CSMD1: variants seen among roughly 807,000 people sequenced by gnomAD.
The protein encoded by CSMD1 is CUB and sushi domain-containing protein 1.
Under a neutral mutation model 417.5 loss-of-function variants are expected in CSMD1, and 213 were observed. The observed-to-expected ratio is 0.51, with a 90% CI of 0.46 to 0.57. The LOEUF (loss-of-function observed/expected upper bound fraction) is 0.57, where lower values mean the gene tolerates loss of function less well. Ranked by LOEUF, CSMD1 falls within the 20% of genes least tolerant of loss-of-function variation. The pLI is 0.00. For missense variants in CSMD1, 6,923 were observed against 4,529.7 expected (o/e 1.53, Z -15.17); for synonymous variants, 2,862 against 1,736.8 (o/e 1.65, Z -16.11).
intron 2 of CSMD1, among the ~76,000 whole-genome samples, chr8:4,506,587 A>G (rs11780150): frequency 3.3e-5 from 5 of 152,144 alleles, no homozygotes; most frequent in Non-Finnish European, 7.4e-5. Context: ...GGAAGTCACT[A>G]CCATTCTAAA....
At chr8:3,968,390 G>A (rs572973128) in intron 5 of CSMD1, among the ~76,000 whole-genome samples, 20 of 152,226 alleles carry the variant, frequency 1.3e-4, no homozygotes, top group African/African-American at 4.6e-4. Flanking sequence ...TGTGGTCACT[G>A]AGCACGGCTC....
intron 5 of CSMD1, among the ~76,000 whole-genome samples, chr8:3,827,842 C>G (rs1276533636): frequency 6.6e-6 from 1 of 152,182 alleles, no homozygotes; most frequent in East Asian, 1.9e-4. Flanking sequence ...TAATAACTCA[C>G]AGTGCATGTC....
intron 3 of CSMD1, among the ~76,000 whole-genome samples, chr8:4,323,373 G>A (rs1173775837): frequency 1.3e-5 from 2 of 152,102 alleles, no homozygotes; most frequent in African/African-American, 4.8e-5. Flanking sequence ...GTTCTTTCCT[G>A]TACAGCATGG....
At chr8:4,212,124 G>C (rs1473631545) in intron 3 of CSMD1, among the ~76,000 whole-genome samples, 1 of 151,318 alleles carries the variant, frequency 6.6e-6, no homozygotes, top group Non-Finnish European at 1.5e-5. Flanking sequence ...GACCATGTAG[G>C]AGAAGAAGTG....
intron 2 of CSMD1, among the ~76,000 whole-genome samples, chr8:4,436,271 C>A (rs1253459235): frequency 2.0e-5 from 3 of 152,002 alleles, no homozygotes; most frequent in Non-Finnish European, 4.4e-5. Flanking sequence ...ATTTTAATAC[C>A]CACCTTGTAT....
intron 1 of CSMD1, among the ~76,000 whole-genome samples, chr8:4,979,080 C>G (rs1386909894): frequency 6.6e-6 from 1 of 152,212 alleles, no homozygotes; most frequent in Non-Finnish European, 1.5e-5. Flanking sequence ...TCCAGGCCTT[C>G]CTGGTGTTAA....
chr8:4,460,900 A>G (rs1443542853), intron 2 of CSMD1, among the ~76,000 whole-genome samples: 1 of 152,186 alleles, frequency 6.6e-6, no homozygotes, highest in Non-Finnish European at 1.5e-5. Context: ...TAGAAGAGGG[A>G]TCACATTCCA....
chr8:4,448,841 C>A (rs1318990340), intron 2 of CSMD1, among the ~76,000 whole-genome samples: 1 of 151,648 alleles, frequency 6.6e-6, no homozygotes, highest in African/African-American at 2.4e-5. Context: ...GGTAATTTCT[C>A]TATCTTCTTT....
chr8:3,305,479 G>T (rs977559131), intron 25 of CSMD1, among the ~76,000 whole-genome samples: 1 of 150,986 alleles, frequency 6.6e-6, no homozygotes, highest in Non-Finnish European at 1.5e-5. Flanking sequence ...GATTAATGCT[G>T]TTATCATGGG....
At chr8:3,048,018 G>A (rs1037411910) in intron 50 of CSMD1, among the ~76,000 whole-genome samples, 17 of 152,170 alleles carry the variant, frequency 1.1e-4, no homozygotes, top group Non-Finnish European at 1.6e-4. Flanking sequence ...GCACATGTGC[G>A]AGAAATCCTT....
intron 6 of CSMD1, among the ~76,000 whole-genome samples, chr8:3,713,967 T>C (rs1479637258): frequency 2.6e-5 from 4 of 152,004 alleles, no homozygotes; most frequent in Non-Finnish European, 5.9e-5. Flanking sequence ...TTTACTACTA[T>C]TGGTAGCAAT....
chr8:4,907,222 A>C (rs931063053), intron 1 of CSMD1, among the ~76,000 whole-genome samples: 8 of 152,172 alleles, frequency 5.3e-5, no homozygotes, highest in Non-Finnish European at 1.2e-4. Flanking sequence ...AAATCTTCCT[A>C]GTGAAAAGCT....
At chr8:3,347,967 T>C in intron 22 of CSMD1, 25 bp downstream of exon 22, 2 of 1,520,186 alleles carry the variant, frequency 1.3e-6, no homozygotes, top group African/African-American at 2.8e-5. Context: ...CTTGGAGTCA[T>C]CATGTTGGAG....
chr8:3,817,109 A>G (rs1270066955), intron 5 of CSMD1, among the ~76,000 whole-genome samples: 1 of 151,958 alleles, frequency 6.6e-6, no homozygotes, highest in Non-Finnish European at 1.5e-5. Flanking sequence ...AGAAATGAAG[A>G]TCTTATAGAG....
At chr8:3,426,436 G>A (rs1360850864) in intron 12 of CSMD1, among the ~76,000 whole-genome samples, 2 of 152,044 alleles carry the variant, frequency 1.3e-5, no homozygotes, top group Non-Finnish European at 2.9e-5. Flanking sequence ...TAAAAAATAG[G>A]AACATCACTT....
intron 25 of CSMD1, among the ~76,000 whole-genome samples, chr8:3,297,970 C>A (rs1015191566): frequency 6.6e-6 from 1 of 152,006 alleles, no homozygotes; most frequent in Admixed American, 6.6e-5. Flanking sequence ...AGAGGATATT[C>A]AAAAGGCCAA....
chr8:3,028,134 G>C (rs1309347046), intron 51 of CSMD1, among the ~76,000 whole-genome samples: 2 of 152,180 alleles, frequency 1.3e-5, no homozygotes, highest in Admixed American at 6.5e-5. Context: ...ACCCCACCTG[G>C]AAGAAATTAA....
intron 25 of CSMD1, among the ~76,000 whole-genome samples, chr8:3,293,631 C>G (rs1329707431): frequency 3.3e-5 from 5 of 152,152 alleles, no homozygotes; most frequent in East Asian, 3.8e-4. Flanking sequence ...GCTACTGAGG[C>G]TTGTGCATTT....
chr8:3,829,988 C>G (rs188403444), intron 5 of CSMD1, among the ~76,000 whole-genome samples: 78 of 152,192 alleles, frequency 5.1e-4, no homozygotes, highest in African/African-American at 1.7e-3. Flanking sequence ...TTTGTTTATA[C>G]ATTTGTTTTC....
Sources: gnomAD v4.1 joint callset for allele counts (sites outside exome capture counted in the v4.1 genomes callset) on GRCh38, gnomAD v4.1.1 for gene constraint, MANE v1.5 for transcripts, NCBI Gene and HGNC (gene_info 2026-07-23, HGNC 2026-07-21) for gene names.